Variants in OPLAH observed in about 807,000 individuals in gnomAD.
OPLAH encodes the protein 5-oxoprolinase, ATP-hydrolysing.
A neutral mutation model predicts 122.8 loss-of-function variants in OPLAH; 103 were observed. The ratio of observed to expected loss-of-function variants is 0.84; its 90% CI spans 0.71 to 0.99. The LOEUF (loss-of-function observed/expected upper bound fraction) is 0.99. Among genes scored for constraint, OPLAH ranks in the 50% least tolerant of loss-of-function variants. The probability of loss-of-function intolerance (pLI) is 0.00; values close to 1 mark genes in which losing one functional copy is unlikely to be tolerated. For missense variants in OPLAH, 1,902 were observed against 1,836.5 expected (o/e 1.04, Z -0.65); for synonymous variants, 875 against 796.0 (o/e 1.10, Z -1.67).
Position 144,055,750 on chromosome 8 carries a change from C to T in OPLAH, c.2248+38G>A, listed in dbSNP as rs782289195. ...GCCAGCTACCCCATGACACAGCCGG[C>T]GCCTCATCCCACAGGGAGCCTGGCA... On this transcript the variant is annotated intron_variant, in intron 16 of 26. Coordinates refer to ENST00000618853, the MANE Select transcript of OPLAH (RefSeq NM_017570.5). The surrounding 1 kb of genome is among the most constrained non-coding windows in gnomAD (Gnocchi z 6.5). 10 of 1,467,358 alleles carry T rather than the reference C, an allele frequency of 6.8e-6. No individual in the cohort carries two copies. Among genetic ancestry groups the T allele is most frequent in the Middle Eastern group, 1.8e-4 (1 of 5,610 alleles). 90.9% of individuals were successfully genotyped at this position (1,467,358 alleles called of 1,614,324 possible).
chr8:144,050,622 G>A (rs1554757465), downstream of OPLAH: 2 of 985,798 alleles, frequency 2.0e-6, no homozygotes, highest in Non-Finnish European at 2.4e-6. Context: ...GCAGCCCTGG[G>A]CCCTGGGTAT....
At position 144,055,084 on chromosome 8, in the gene OPLAH, T is replaced by A; in HGVS notation, c.2354A>T (p.Asn785Ile). The change falls in exon 17 of 27, where the codon AAT becomes ATT. Residue 785 changes from asparagine (N) to isoleucine (I), a missense_variant. Asn to Ile is a moderately radical substitution (Grantham distance 149). This residue lies in a region of OPLAH where 1,726 missense variants were observed against 1,642.1 expected (regional missense o/e 1.05). Coordinates refer to ENST00000618853, the MANE Select transcript of OPLAH (RefSeq NM_017570.5). This position sits in a 1 kb window ranked among gnomAD's most constrained non-coding sequence, Gnocchi z 6.5. The stretch of plus-strand genomic sequence containing the variant: ...CAGGTGCACAGGGATGTGGGGGGCA[T>A]TGGACACCAGCCCCCCATCGGGCCC... ...LFGPDGGLVS[N>I]APHIPVHLGA... The A allele has an allele frequency of 1.3e-6, 2 of 1,567,512 alleles. No homozygotes were observed. The highest frequency in any genetic ancestry group is 1.7e-6 in the Non-Finnish European group (2 of 1,157,712).
Position 144,058,964 on chromosome 8 carries a change from G to C in OPLAH, c.463+16C>G. On this transcript the variant is annotated intron_variant, in intron 4 of 26. Transcript: ENST00000618853. ...CCCTCCGGCCCCAAATCCCACAGCAGCGGCGGCACACACACCTTTCACAGG... is the reference window on the plus strand; with the variant it reads ...CCCTCCGGCCCCAAATCCCACAGCACCGGCGGCACACACACCTTTCACAGG... The C allele has an allele frequency of 6.4e-7, 1 of 1,559,266 alleles. No individual in the cohort carries two copies. The highest frequency in any genetic ancestry group is 8.7e-7 in the Non-Finnish European group (1 of 1,152,986).
Position 144,054,801 on chromosome 8 carries a change from G to A in OPLAH, c.2511+11C>T. 4.3e-6 allele frequency: 7 copies of A among 1,612,082 alleles called. No individual in the cohort carries two copies. The highest frequency in any genetic ancestry group is 5.9e-6 in the Non-Finnish European group (7 of 1,179,758). On this transcript the variant is annotated intron_variant, in intron 18 of 26. Coordinates refer to ENST00000618853, the MANE Select transcript of OPLAH (RefSeq NM_017570.5). ...CTGCCCCAGCAGAGGCAGGCGGGCA[G>A]CACCCCTCACCGGTGTGATAACAGT...
At chr8:144,056,049 T>C (rs1587558535) in intron 15 of OPLAH, 98 bp downstream of exon 15, 1 of 1,510,630 alleles carries the variant, frequency 6.6e-7, no homozygotes, top group Non-Finnish European at 8.9e-7. Flanking sequence ...GGATACAGAG[T>C]CCTGCAGGCC....
chr8:144,054,958 GCCA>G, intron 17 of OPLAH, 45 bp from the exon 18 acceptor site: 1 of 980,592 alleles, frequency 1.0e-6, no homozygotes. Context: ...GGGAGCAGGG[GCCA>G]GAGCGGGGTG....
rs375063706 is a variant in OPLAH at position 144,053,332 on chromosome 8, C to G, written c.2748G>C (p.Leu916=). 1 of 1,612,792 alleles carries G rather than the reference C, an allele frequency of 6.2e-7. No homozygotes were observed. The highest frequency in any genetic ancestry group is 1.3e-5 in the African/African-American group (1 of 74,894). Residue 916 remains leucine, a synonymous_variant, in exon 20 of 27, where the codon CTG becomes CTC. Transcript: ENST00000618853. The stretch of plus-strand genomic sequence containing the variant: ...CACGGAGGTCCGACAGGTTGTCGTG[C>G]AGGTTTCTGGTTCCGCTGCAGTTGG... ...KVPNCSGTRN[L]HDNLSDLRAQ...
rs1187467093 is a variant in OPLAH at position 144,058,996 on chromosome 8, G to A, written c.447C>T (p.Thr149=). Residue 149 remains threonine (T), a synonymous_variant, in exon 4 of 27, where the codon ACC becomes ACT. Transcript: ENST00000618853. ...RVVLHRGEAG[T]GTPVKGRTGD... Reference sequence around the variant, plus strand: ...CACACACACCTTTCACAGGCGTCCCGGTGCCCGCCTCTCCACGGTGCAGCA... The same window carrying A: ...CACACACACCTTTCACAGGCGTCCCAGTGCCCGCCTCTCCACGGTGCAGCA... The A allele has an allele frequency of 1.5e-5, 24 of 1,567,208 alleles. No individual in the cohort carries two copies. The highest frequency in any genetic ancestry group is 4.8e-5 in the East Asian group (2 of 41,770).
At position 144,055,287 on chromosome 8, in the gene OPLAH, C is replaced by T; in HGVS notation, c.2249-98G>A. The T allele has an allele frequency of 7.7e-7, 1 of 1,306,522 alleles. No homozygotes were observed. The highest frequency in any genetic ancestry group is 1.0e-6 in the Non-Finnish European group (1 of 997,050). 80.9% of individuals were successfully genotyped at this position (1,306,522 alleles called of 1,614,324 possible). A position where few individuals can be genotyped will look rare whatever the true frequency, so the allele number is the denominator to read the frequency against. On this transcript the variant is annotated intron_variant, in intron 16 of 26. Coordinates refer to ENST00000618853, the MANE Select transcript of OPLAH (RefSeq NM_017570.5). The surrounding 1 kb of genome is among the most constrained non-coding windows in gnomAD (Gnocchi z 6.5). ...GACCCACCAGGACTCAAACCCAGGA[C>T]CCAGGAAAAACCCAGCAGCTTTTTC... is the stretch of plus-strand genomic sequence containing the variant.
Position 144,056,603 on chromosome 8 carries a change from C to A in OPLAH, c.1844+15G>T, listed in dbSNP as rs781859700. On this transcript the variant is annotated intron_variant, in intron 13 of 26. Coordinates refer to ENST00000618853, the MANE Select transcript of OPLAH (RefSeq NM_017570.5). ...GGGCCCCTTGCCAGGGATCCGGAGT[C>A]AGGAAGCCACGTACCGCTCCACAAA... is the stretch of plus-strand genomic sequence containing the variant. 27 of 1,612,144 alleles carry A rather than the reference C, an allele frequency of 1.7e-5. No individual in the cohort carries two copies. Among genetic ancestry groups the A allele is most frequent in the Non-Finnish European group, 2.2e-5 (26 of 1,179,770 alleles).
In OPLAH at chr8:144,055,768, G is replaced by A; in HGVS notation, c.2248+20C>T. The A allele has an allele frequency of 1.3e-6, 2 of 1,491,608 alleles. No homozygotes were observed. Among genetic ancestry groups the A allele is most frequent in the Non-Finnish European group, 1.8e-6 (2 of 1,112,900 alleles). 92.4% of individuals were successfully genotyped at this position (1,491,608 alleles called of 1,614,324 possible). A position where few individuals can be genotyped will look rare whatever the true frequency, so the allele number is the denominator to read the frequency against. On this transcript the variant is annotated intron_variant, in intron 16 of 26. Coordinates refer to ENST00000618853, the MANE Select transcript of OPLAH (RefSeq NM_017570.5). The surrounding 1 kb of genome is among the most constrained non-coding windows in gnomAD (Gnocchi z 6.5). Reference sequence around the variant, plus strand: ...CAGCCGGCGCCTCATCCCACAGGGAGCCTGGCAGCGGCCACTCACCAGCAA... The same window carrying A: ...CAGCCGGCGCCTCATCCCACAGGGAACCTGGCAGCGGCCACTCACCAGCAA...
At chr8:144,063,339 AC>A (rs1371861669), upstream of OPLAH, among the ~76,000 whole-genome samples, 3 of 151,144 alleles carry the variant, frequency 2.0e-5, no homozygotes, top group Non-Finnish European at 4.4e-5. The surrounding 1 kb of genome is among the most constrained non-coding windows in gnomAD (Gnocchi z 4.2). Context: ...TCACACCTCC[AC>A]CCCGGCCAGG....
Position 144,051,414 on chromosome 8 carries a change from G to A in OPLAH, c.3779C>T (p.Ala1260Val), listed in dbSNP as rs1337356089. 1 of 1,594,626 alleles carries A rather than the reference G, an allele frequency of 6.3e-7. No individual in the cohort carries two copies. Among genetic ancestry groups the A allele is most frequent in the African/African-American group, 1.4e-5 (1 of 73,164 alleles). ...GGGYGDPEDP[A>V]PPPGSPPQAL... is the part of the protein sequence containing the mutation. ...TTGCGGGGGCGACCCCGGCGGTGGG[G>A]CGGGGTCCTCCGGGTCCCCATAGCC... is the stretch of plus-strand genomic sequence containing the variant. Residue 1260 changes from alanine to valine, a missense_variant, in exon 27 of 27, where the codon GCC (alanine) becomes GTC (valine). Transcript: ENST00000618853.
rs1554757954 is a variant in OPLAH, at chr8:144,052,579, C to T, written c.3173G>A (p.Arg1058His). 1 of 1,596,258 alleles carries T rather than the reference C, an allele frequency of 6.3e-7. No homozygotes were observed. Among genetic ancestry groups the T allele is most frequent in the Admixed American group, 1.7e-5 (1 of 59,354 alleles). Residue 1058 changes from arginine (R) to histidine (H), a missense_variant, in exon 23 of 27, where the codon CGC becomes CAC. By Grantham distance (29) the Arg-to-His change is conservative. Around this residue, in one of 3 missense-constraint regions of OPLAH, gnomAD observed 1,726 missense variants for 1,642.1 expected, o/e 1.05. Transcript: ENST00000618853. ...PLNQGCLAPVRVVIPRGSILD... is the reference protein window; with the variant it reads ...PLNQGCLAPVHVVIPRGSILD... ...GATGGAGCCTCGGGGAATGACCACG[C>T]GCACTGGCGCCAGGCAGCCCTGTGC...
upstream of OPLAH, among the ~76,000 whole-genome samples, chr8:144,061,448 G>A (rs1219300962): frequency 5.3e-5 from 8 of 152,006 alleles, no homozygotes; most frequent in African/African-American, 1.9e-4. Context: ...CCCGGGAGGC[G>A]GAGGCTGCAG....
Position 144,057,706 on chromosome 8 carries a change from A to C in OPLAH, c.1164T>G (p.Pro388=). 6.2e-7 allele frequency: 1 copy of C among 1,608,858 alleles called. No homozygotes were observed. The highest frequency in any genetic ancestry group is 1.3e-5 in the African/African-American group (1 of 74,872). ...PGPACYRKGG[P]VTVTDANLVL... ...CCAGATTAGCATCCGTCACTGTCAC[A>C]GGGCCCCCTGGGAGGTGGACAGGGT... The change falls in exon 10 of 27, where the codon CCT becomes CCG. Residue 388 remains proline, a synonymous_variant. Coordinates refer to ENST00000618853, the MANE Select transcript of OPLAH (RefSeq NM_017570.5).
rs1587569574 is a variant in OPLAH, at chr8:144,060,188, G to A, written c.-53-103C>T. The A allele has an allele frequency of 9.6e-6, 8 of 834,732 alleles. No individual in the cohort carries two copies. In the East Asian group the frequency reaches 1.1e-4, roughly 11 times the overall value. 51.7% of individuals were successfully genotyped at this position (834,732 alleles called of 1,614,324 possible). On this transcript the variant is annotated intron_variant, in intron 1 of 26. Transcript: ENST00000618853. ...TCCTGAGGGAGAGACCCACGGGCAC[G>A]ACTCTGGGAAGAGCCAGAGCCGCAG...
At chr8:144,052,119 GC>G in intron 24 of OPLAH, 43 bp from the exon 25 acceptor site, 1 of 1,551,428 alleles carries the variant, frequency 6.4e-7, no homozygotes, top group Non-Finnish European at 8.7e-7. Context: ...CGTGGCCCGA[GC>G]CCCGGCTCCC....
chr8:144,056,904 G>A, intron 12 of OPLAH, 44 bp downstream of exon 12: 2 of 1,533,798 alleles, frequency 1.3e-6, no homozygotes, highest in South Asian at 2.4e-5. Context: ...AGGGCGTGGT[G>A]AGGACAACGT....
Sources: gnomAD v4.1 joint callset for allele counts (sites outside exome capture counted in the v4.1 genomes callset) on GRCh38, gnomAD v4.1.1 for gene constraint, gnomAD v4.1.1 regional missense constraint, Gnocchi (gnomAD v3.1) non-coding constraint, MANE v1.5 for transcripts, NCBI Gene and HGNC (gene_info 2026-07-23, HGNC 2026-07-21) for gene names.